The following EPB42 variants were observed in gnomAD, a reference collection of about 807,000 sequenced individuals.
EPB42 encodes the protein protein 4.2.
In EPB42, 49 loss-of-function variants were observed where a neutral mutation model predicts 76.9. That is an observed-to-expected ratio of 0.64 (90% confidence interval 0.51 to 0.81). The LOEUF (loss-of-function observed/expected upper bound fraction) is 0.81. Among genes scored for constraint, EPB42 ranks in the 30% least tolerant of loss-of-function variants. EPB42 has a pLI of 0.00. For missense variants in EPB42, 731 were observed against 867.6 expected, an observed-to-expected ratio of 0.84 and a Z score of 1.98; for synonymous variants, 310 against 338.4, an observed-to-expected ratio of 0.92 and a Z score of 0.92.
chr15:43,218,823 T>C (rs879780892), intron 1 of EPB42, among the ~76,000 whole-genome samples: 2 of 152,220 alleles, frequency 1.3e-5, no homozygotes, highest in Admixed American at 1.3e-4. Flanking sequence ...TTTAGGTGGA[T>C]TCATTGACTC....
chr15:43,205,558 C>T lies in EPB42; in HGVS notation c.1618+772G>A, dbSNP rs549654424. Among the ~76,000 whole-genome samples the T allele has an allele frequency of 4.6e-5, 7 of 152,270 alleles. No individual in the cohort carries two copies. The South Asian group carries it at 1.5e-3, about 32-fold the overall frequency. On this transcript the variant is annotated intron_variant, in intron 10 of 12. Coordinates refer to ENST00000441366, the MANE Select transcript of EPB42 (RefSeq NM_001114134.2). The stretch of plus-strand genomic sequence containing the variant: ...GGGATTACAGTTGTGTGCCACCAAG[C>T]CTGGCTAATTTTTGTATTTTTAGTA...
In EPB42 at chr15:43,201,927, G is replaced by A; in HGVS notation, c.1830C>T (p.Leu610=). The A allele has an allele frequency of 6.2e-7, 1 of 1,614,196 alleles. No homozygotes were observed. Among genetic ancestry groups the A allele is most frequent in the Non-Finnish European group, 8.5e-7 (1 of 1,180,014 alleles). Residue 610 remains leucine, a synonymous_variant, in exon 12 of 13, where the codon CTC becomes CTT. Coordinates refer to ENST00000441366, the MANE Select transcript of EPB42 (RefSeq NM_001114134.2). Reference sequence around the variant, plus strand: ...CCATGGGGGCATCTAGGGAGTTCTGGAGGCTGACTGAGGCTGTGAGGGGTT... The same window carrying A: ...CCATGGGGGCATCTAGGGAGTTCTGAAGGCTGACTGAGGCTGTGAGGGGTT... The part of the protein sequence containing the change: ...QYQPLTASVS[L]QNSLDAPMED...
At chr15:43,220,122 T>C (rs1315128893) in intron 1 of EPB42, among the ~76,000 whole-genome samples, 1 of 152,014 alleles carries the variant, frequency 6.6e-6, no homozygotes, top group East Asian at 1.9e-4. Flanking sequence ...GCAGTTTCTA[T>C]AGCAACAGAA....
chr15:43,210,667 C>T, intron 4 of EPB42, among the ~76,000 whole-genome samples: 1 of 152,178 alleles, frequency 6.6e-6, no homozygotes, highest in East Asian at 1.9e-4. Flanking sequence ...CAGTCCTTTG[C>T]CTATCTGTTG....
At chr15:43,208,819 G>A (rs762618432) in intron 6 of EPB42, 44 bp from the exon 7 acceptor site, 15 of 1,600,620 alleles carry the variant, frequency 9.4e-6, no homozygotes, top group African/African-American at 6.7e-5. Flanking sequence ...TTGAGAGACC[G>A]GGCTGGGGGC....
chr15:43,207,455 A>G lies in EPB42; in HGVS notation c.1076-14T>C, dbSNP rs756490787. ...AGGACCCCAGGACTGAGGGAGAGAA[A>G]GGTTGGTGAGCATGGGAGCTGCGCC... On this transcript the variant is annotated splice_polypyrimidine_tract_variant and intron_variant, in intron 8 of 12. Transcript: ENST00000441366. 5.6e-6 allele frequency: 9 copies of G among 1,612,878 alleles called. No individual in the cohort carries two copies. In the Admixed American group the frequency reaches 1.0e-4, roughly 18 times the overall value.
rs760506335 is a variant in EPB42 at position 43,206,622 on chromosome 15, A to G, written c.1326T>C (p.Leu442=). The G allele has an allele frequency of 6.2e-7, 1 of 1,614,106 alleles. No individual in the cohort carries two copies. The highest frequency in any genetic ancestry group is 8.5e-7 in the Non-Finnish European group (1 of 1,180,022). The change falls in exon 10 of 13, where the codon CTT becomes CTC. Residue 442 remains leucine (L), a synonymous_variant. Coordinates refer to ENST00000441366, the MANE Select transcript of EPB42 (RefSeq NM_001114134.2). The surrounding 1 kb of genome is among the most constrained non-coding windows in gnomAD (Gnocchi z 4.7). The part of the protein sequence containing the change: ...TQNYKYPEGS[L]QEKEVLERVE... ...CTCTCTCCAGCACCTCTTTTTCCTG[A>G]AGAGACCCTGGAGAAGGGAAGAAAC...
chr15:43,205,900 G>A (rs1179936173), intron 10 of EPB42: 2 of 163,888 alleles, frequency 1.2e-5, no homozygotes, highest in Admixed American at 5.9e-5. Context: ...GAACCTCAGG[G>A]ATGAGCAGGG....
upstream of EPB42, among the ~76,000 whole-genome samples, chr15:43,222,852 G>A (rs1199852220): frequency 1.3e-5 from 2 of 152,070 alleles, no homozygotes; most frequent in Non-Finnish European, 2.9e-5. Context: ...AATTTCAGAT[G>A]GATCAAAACT....
chr15:43,220,709 AC>A, intron 1 of EPB42, 106 bp downstream of exon 1: 1 of 1,403,586 alleles, frequency 7.1e-7, no homozygotes, highest in Non-Finnish European at 9.4e-7. Context: ...TAGTTATACC[AC>A]CATCTCCCCG....
At chr15:43,199,410 C>T (rs1229086313) in intron 12 of EPB42, among the ~76,000 whole-genome samples, 2 of 152,198 alleles carry the variant, frequency 1.3e-5, no homozygotes, top group African/African-American at 4.8e-5. Flanking sequence ...TTTGGACTTG[C>T]ATGGGCCCTG....
Position 43,210,373 on chromosome 15 carries a change from T to C in EPB42, c.616A>G (p.Ser206Gly). 6.2e-7 allele frequency: 1 copy of C among 1,613,878 alleles called. No individual in the cohort carries two copies. The highest frequency in any genetic ancestry group is 8.5e-7 in the Non-Finnish European group (1 of 1,179,960). ...ACACGGGCCACGTGCACCGGCTGGCTCCACTTCTCTACCTGCTTGTCCTTG... is the reference window on the plus strand; with the variant it reads ...ACACGGGCCACGTGCACCGGCTGGCCCCACTTCTCTACCTGCTTGTCCTTG... ...LSKDKQVEKW[S>G]QPVHVARVLG... Residue 206 changes from serine to glycine, a missense_variant, in exon 5 of 13, where the codon AGC becomes GGC. Ser to Gly is a moderately conservative substitution (Grantham distance 56). Coordinates refer to ENST00000441366, the MANE Select transcript of EPB42 (RefSeq NM_001114134.2).
upstream of EPB42, among the ~76,000 whole-genome samples, chr15:43,224,502 TAA>T (rs879928760): frequency 4.1e-5 from 6 of 144,708 alleles, no homozygotes; most frequent in Non-Finnish European, 7.6e-5. Context: ...TGCTCTCACT[TAA>T]AAAAAAAAAA....
At chr15:43,210,098 C>G (rs996293074) in intron 5 of EPB42, among the ~76,000 whole-genome samples, 1 of 152,188 alleles carries the variant, frequency 6.6e-6, no homozygotes, top group Non-Finnish European at 1.5e-5. Context: ...GAGGCTTAGT[C>G]TTCTGCGGGC....
intron 10 of EPB42, among the ~76,000 whole-genome samples, 165 bp from the exon 11 acceptor site, chr15:43,203,440 T>C (rs1050357464): frequency 2.0e-5 from 3 of 152,108 alleles, no homozygotes; most frequent in African/African-American, 7.2e-5. Flanking sequence ...ACCTCACTCC[T>C]CACCCTCATC....
chr15:43,213,851 C>G (rs1207619659), intron 3 of EPB42, among the ~76,000 whole-genome samples: 1 of 152,258 alleles, frequency 6.6e-6, no homozygotes, highest in Non-Finnish European at 1.5e-5. Flanking sequence ...GTGGGGCCAC[C>G]TGAAGTCGGG....
In EPB42 at chr15:43,203,150, C is replaced by G. The variant is rs754319779; in HGVS notation, c.1744G>C (p.Asp582His). The change falls in exon 11 of 13, where the codon GAC becomes CAC. Residue 582 changes from aspartate to histidine, a missense_variant. By Grantham distance (81) the Asp-to-His change is moderately conservative (BLOSUM62 -1). Transcript: ENST00000441366. Reference protein sequence around the residue: ...ESNLSCFAQEDIAICRPHLAI... With the variant: ...ESNLSCFAQEHIAICRPHLAI... ...AGGTGTGGTCTACAAATGGCAATGT[C>G]TTCCTGAGCAAAGCAGCTAAGGTTG... 4 of 1,614,056 alleles carry G rather than the reference C, an allele frequency of 2.5e-6. No individual in the cohort carries two copies. The highest frequency in any genetic ancestry group is 1.7e-5 in the Admixed American group (1 of 60,002).
chr15:43,219,138 CT>C (rs947889214), intron 1 of EPB42, among the ~76,000 whole-genome samples: 4 of 152,166 alleles, frequency 2.6e-5, no homozygotes, highest in Non-Finnish European at 4.4e-5. Context: ...ACTACGCCCC[CT>C]GTGGCCAGTC....
chr15:43,214,974 G>A, intron 3 of EPB42, 121 bp downstream of exon 3: 4 of 846,096 alleles, frequency 4.7e-6, no homozygotes, highest in Non-Finnish European at 7.8e-6. Context: ...CTGGGTGTTG[G>A]TGCTGTCCTT....
Sources: gnomAD v4.1 joint callset for allele counts (sites outside exome capture counted in the v4.1 genomes callset) on GRCh38, gnomAD v4.1.1 for gene constraint, Gnocchi (gnomAD v3.1) non-coding constraint, MANE v1.5 for transcripts, NCBI Gene and HGNC (gene_info 2026-07-23, HGNC 2026-07-21) for gene names.